Variants in ZMPSTE24 observed in about 807,000 individuals in gnomAD.
The protein encoded by ZMPSTE24 is zinc metallopeptidase STE24, also known as CAAX prenyl protease 1 homolog.
Under a neutral mutation model 56.7 loss-of-function variants are expected in ZMPSTE24, and 48 were observed. The ratio of observed to expected loss-of-function variants is 0.85; its 90% CI spans 0.67 to 1.08. ZMPSTE24 has a LOEUF of 1.08. ZMPSTE24 is among the 50% of genes least tolerant of loss of function. The pLI, the probability that ZMPSTE24 is intolerant of heterozygous loss-of-function variation, is 0.00. For missense variants in ZMPSTE24, 503 were observed against 548.7 expected (o/e 0.92, Z 0.83); for synonymous variants, 172 against 195.2 (o/e 0.88, Z 0.99).
At chr1:40,274,090 C>CA (rs1329825313) in intron 6 of ZMPSTE24, among the ~76,000 whole-genome samples, 1 of 152,038 alleles carries the variant, frequency 6.6e-6, no homozygotes, top group East Asian at 1.9e-4. Context: ...GGGTTTGAAT[C>CA]ATAGCTCTAC....
chr1:40,258,464 T>C, intron 1 of ZMPSTE24, 70 bp downstream of exon 1: 3 of 1,608,964 alleles, frequency 1.9e-6, no homozygotes, highest in Middle Eastern at 1.6e-4. Flanking sequence ...GCTTCGACCC[T>C]GAGACTCTTG....
chr1:40,268,729 C>A (rs58667088), intron 4 of ZMPSTE24, among the ~76,000 whole-genome samples, 194 bp downstream of exon 4: 2 of 151,656 alleles, frequency 1.3e-5, no homozygotes, highest in Admixed American at 1.3e-4. Flanking sequence ...CCCTGGCACT[C>A]GGGGAGGCAA....
intron 8 of ZMPSTE24, among the ~76,000 whole-genome samples, chr1:40,287,308 A>G (rs547960732): frequency 6.6e-5 from 10 of 152,048 alleles, no homozygotes; most frequent in Admixed American, 2.6e-4. Context: ...AGCTCAAGCG[A>G]TCCACTCGCC....
Position 40,258,359 on chromosome 1 carries a change from G to C in ZMPSTE24, c.88G>C (p.Val30Leu). Residue 30 changes from valine to leucine, a missense_variant, in exon 1 of 10, where the codon GTG (valine) becomes CTG (leucine). Coordinates refer to ENST00000372759, the MANE Select transcript of ZMPSTE24 (RefSeq NM_005857.5). ...GGCCGTGCTGCTCTTTTCCTGGACA[G>C]TGTATCTTTGGGAGACCTTCCTAGC... The part of the protein sequence containing the change: ...FGAVLLFSWT[V>L]YLWETFLAQR... 1 of 1,614,226 alleles carries C rather than the reference G, an allele frequency of 6.2e-7. No homozygotes were observed. The highest frequency in any genetic ancestry group is 8.5e-7 in the Non-Finnish European group (1 of 1,180,040).
intron 8 of ZMPSTE24, among the ~76,000 whole-genome samples, chr1:40,288,580 C>G (rs1643809128): frequency 6.6e-6 from 1 of 152,192 alleles, no homozygotes; most frequent in African/African-American, 2.4e-5. Context: ...TGTGGCCACT[C>G]TATTCATAAG....
At chr1:40,264,844 A>AC (rs1643533407) in intron 2 of ZMPSTE24, among the ~76,000 whole-genome samples, 1 of 139,406 alleles carries the variant, frequency 7.2e-6, no homozygotes, top group African/African-American at 2.7e-5. Context: ...ACACTGCTGT[A>AC]CCCCCGCCTG....
At chr1:40,260,744 T>C (rs777310186) in intron 1 of ZMPSTE24, 95 bp from the exon 2 acceptor site, 3 of 1,310,426 alleles carry the variant, frequency 2.3e-6, no homozygotes, top group South Asian at 2.5e-5. Flanking sequence ...TCAACAGATA[T>C]AAGTGGCAAG....
Position 40,293,029 on chromosome 1 carries a change from A to T in ZMPSTE24, c.*360A>T. The T allele has an allele frequency of 4.0e-6, 1 of 247,922 alleles. No individual in the cohort carries two copies. The highest frequency in any genetic ancestry group is 4.6e-5 in the South Asian group (1 of 21,670). The allele number at this position is 247,922 out of a possible 1,614,324, so 15.4% of individuals were successfully genotyped here. On this transcript the variant is annotated 3_prime_UTR_variant, in exon 10 of 10. Coordinates refer to ENST00000372759, the MANE Select transcript of ZMPSTE24 (RefSeq NM_005857.5). ...TTGAAAGAGGGAGCATCACCACAGGAATCCTTTCTGTGAGGTGGAAACAGT... is the reference window on the plus strand; with the variant it reads ...TTGAAAGAGGGAGCATCACCACAGGTATCCTTTCTGTGAGGTGGAAACAGT...
At chr1:40,283,819 G>C (rs1250203078) in intron 7 of ZMPSTE24, among the ~76,000 whole-genome samples, 1 of 151,836 alleles carries the variant, frequency 6.6e-6, no homozygotes, top group African/African-American at 2.4e-5. Context: ...TCGAGTGCTG[G>C]ATTTGTTATA....
At chr1:40,291,964 C>G (rs776900305) in intron 9 of ZMPSTE24, among the ~76,000 whole-genome samples, 1 of 151,756 alleles carries the variant, frequency 6.6e-6, no homozygotes, top group Non-Finnish European at 1.5e-5. Flanking sequence ...CCTCAGCCTC[C>G]TGAATAGCTG....
chr1:40,264,795 C>G (rs978230715), intron 2 of ZMPSTE24, among the ~76,000 whole-genome samples: 3 of 146,310 alleles, frequency 2.1e-5, no homozygotes, highest in Non-Finnish European at 3.0e-5. Flanking sequence ...GGGAGGGTTG[C>G]TGGAGCCCAG....
intron 7 of ZMPSTE24, 94 bp downstream of exon 7, chr1:40,281,621 T>A: frequency 7.7e-7 from 1 of 1,303,046 alleles, no homozygotes; most frequent in Non-Finnish European, 1.1e-6. Context: ...CAGTGAGTGT[T>A]GAATTCAGGG....
chr1:40,284,483 G>A (rs186374575), intron 7 of ZMPSTE24, among the ~76,000 whole-genome samples: 11 of 152,146 alleles, frequency 7.2e-5, no homozygotes, highest in Admixed American at 7.2e-4. Context: ...CCCACACAGC[G>A]GCTCATGCCT....
chr1:40,267,456 C>T (rs1643562374), intron 2 of ZMPSTE24, among the ~76,000 whole-genome samples: 1 of 151,228 alleles, frequency 6.6e-6, no homozygotes, highest in African/African-American at 2.4e-5. Flanking sequence ...CCTTGACTTC[C>T]CAGGCTCAGG....
intron 7 of ZMPSTE24, among the ~76,000 whole-genome samples, 170 bp downstream of exon 7, chr1:40,281,697 T>C (rs371665003): frequency 4.3e-4 from 66 of 152,306 alleles, no homozygotes; most frequent in African/African-American, 1.4e-3. Flanking sequence ...ACCACTATTA[T>C]TACATGCTAA....
intron 6 of ZMPSTE24, among the ~76,000 whole-genome samples, chr1:40,279,972 A>G (rs924137990): frequency 1.3e-5 from 2 of 152,154 alleles, no homozygotes; most frequent in African/African-American, 4.8e-5. Flanking sequence ...TATAAAATCC[A>G]TGTTTCGTCT....
chr1:40,288,029 T>G (rs1387920775), intron 8 of ZMPSTE24, among the ~76,000 whole-genome samples: 1 of 151,850 alleles, frequency 6.6e-6, no homozygotes, highest in Non-Finnish European at 1.5e-5. Flanking sequence ...GGTTAAAAAA[T>G]TAGCTGGGCT....
chr1:40,285,491 C>T (rs889233162), intron 7 of ZMPSTE24, among the ~76,000 whole-genome samples: 1 of 152,190 alleles, frequency 6.6e-6, no homozygotes, highest in Non-Finnish European at 1.5e-5. Context: ...CTGTCTGCCT[C>T]GGTTTCCCAA....
chr1:40,291,839 CTTT>C (rs769515049), intron 9 of ZMPSTE24, among the ~76,000 whole-genome samples: 11 of 132,884 alleles, frequency 8.3e-5, no homozygotes, highest in African/African-American at 2.5e-4. Context: ...TCTTAAAACT[CTTT>C]TTTTTTTTTT....
Sources: allele counts gnomAD v4.1 joint callset (sites outside exome capture counted in the v4.1 genomes callset), GRCh38; gene constraint gnomAD v4.1.1; transcripts MANE v1.5; gene names NCBI Gene and HGNC (gene_info 2026-07-23, HGNC 2026-07-21).